CRPPA: variants seen among roughly 807,000 people sequenced by gnomAD.
CRPPA encodes D-ribitol-5-phosphate cytidylyltransferase.
Under a neutral mutation model 52.0 loss-of-function variants are expected in CRPPA, and 43 were observed. The ratio of observed to expected loss-of-function variants is 0.83; its 90% CI spans 0.65 to 1.07. The LOEUF is 1.07. CRPPA is among the 50% of genes least tolerant of loss of function. The pLI is 0.00. For missense variants in CRPPA, 629 were observed against 551.7 expected, an observed-to-expected ratio of 1.14 and a Z score of -1.40; for synonymous variants, 250 against 203.5, an observed-to-expected ratio of 1.23 and a Z score of -1.94.
chr7:16,315,632 T>C (rs1368270940), intron 3 of CRPPA, among the ~76,000 whole-genome samples: 2 of 152,118 alleles, frequency 1.3e-5, no homozygotes, highest in South Asian at 4.1e-4. Flanking sequence ...AGAATGGTTG[T>C]TTCCCTTCCT....
chr7:16,329,219 T>A (rs1785490905), intron 3 of CRPPA, among the ~76,000 whole-genome samples: 1 of 152,158 alleles, frequency 6.6e-6, no homozygotes, highest in African/African-American at 2.4e-5. Flanking sequence ...GTGGTGGCAA[T>A]AGGAGCTAAG....
intron 6 of CRPPA, among the ~76,000 whole-genome samples, chr7:16,274,207 G>A (rs369257860): frequency 5.3e-5 from 8 of 151,990 alleles, no homozygotes; most frequent in East Asian, 3.9e-4. Flanking sequence ...CCACCACCAC[G>A]CCCAGCTAAT....
At chr7:16,412,528 C>A (rs1193423568) in intron 1 of CRPPA, among the ~76,000 whole-genome samples, 1 of 152,152 alleles carries the variant, frequency 6.6e-6, no homozygotes, top group Non-Finnish European at 1.5e-5. Flanking sequence ...CAAGCATACA[C>A]CCAGTACTTG....
chr7:16,147,153 AT>A lies in CRPPA; in HGVS notation c.1252-55355del, dbSNP rs566967261. Among the ~76,000 whole-genome samples, 411 of 152,118 alleles carry A rather than the reference AT, an allele frequency of 2.7e-3. 3 individuals carry two copies. The highest frequency in any genetic ancestry group is 9.5e-3 in the African/African-American group (393 of 41,500). ...CTTTGCTCTTCCTTTGCCTTCCACT[AT>A]GATTGTGAGGCCTCCCCAGCCCTGC... On this transcript the variant is annotated intron_variant, in intron 9 of 9. Coordinates refer to ENST00000407010, the MANE Select transcript of CRPPA (RefSeq NM_001101426.4).
chr7:16,089,071 C>A lies in CRPPA; in HGVS notation c.*2624G>T, dbSNP rs1428470737. 1 of 224,402 alleles carries A rather than the reference C, an allele frequency of 4.5e-6. No homozygotes were observed. Among genetic ancestry groups the A allele is most frequent in the African/African-American group, 2.2e-5 (1 of 45,634 alleles). 13.9% of individuals were successfully genotyped at this position (224,402 alleles called of 1,614,324 possible). On this transcript the variant is annotated 3_prime_UTR_variant, in exon 10 of 10. Transcript: ENST00000407010. ...CAGTCACATGATTTTGGCAAGGTAA[C>A]TAAGATCCCTGAGCTCCAATTTCCT...
At chr7:16,106,671 AG>A (rs1782159165) in intron 9 of CRPPA, among the ~76,000 whole-genome samples, 1 of 152,204 alleles carries the variant, frequency 6.6e-6, no homozygotes, top group African/African-American at 2.4e-5. Context: ...AGGCTAGAAG[AG>A]GGGGCTGCTG....
At chr7:16,310,311 G>A (rs1190402604) in intron 3 of CRPPA, among the ~76,000 whole-genome samples, 3 of 151,900 alleles carry the variant, frequency 2.0e-5, no homozygotes, top group Non-Finnish European at 2.9e-5. Flanking sequence ...ACTTATCAGA[G>A]ATCCCCCAAA....
intron 9 of CRPPA, among the ~76,000 whole-genome samples, chr7:16,115,402 C>T (rs1183760036): frequency 6.6e-6 from 1 of 152,104 alleles, no homozygotes; most frequent in Non-Finnish European, 1.5e-5. Context: ...GAGATATCAA[C>T]AAATGGTTTC....
At chr7:16,292,464 G>T (rs1053002061) in intron 5 of CRPPA, among the ~76,000 whole-genome samples, 6 of 151,918 alleles carry the variant, frequency 3.9e-5, no homozygotes, top group African/African-American at 1.4e-4. Context: ...GGAGTTGATG[G>T]TAGCACAGAG....
At chr7:16,148,013 A>G (rs1404879158) in intron 9 of CRPPA, among the ~76,000 whole-genome samples, 2 of 152,160 alleles carry the variant, frequency 1.3e-5, no homozygotes, top group Non-Finnish European at 2.9e-5. Flanking sequence ...ACCTCAAACT[A>G]TAATAATCAG....
At chr7:16,392,817 C>A (rs551131761) in intron 2 of CRPPA, among the ~76,000 whole-genome samples, 1 of 152,064 alleles carries the variant, frequency 6.6e-6, no homozygotes, top group South Asian at 2.1e-4. Flanking sequence ...CACCCAGCCT[C>A]CTCCCCTACC....
chr7:16,191,289 G>A (rs1010064189), intron 9 of CRPPA, among the ~76,000 whole-genome samples: 1 of 152,076 alleles, frequency 6.6e-6, no homozygotes, highest in African/African-American at 2.4e-5. Flanking sequence ...AATGCTCGCA[G>A]ACCATACCAC....
In CRPPA at chr7:16,391,183, G is replaced by C. The variant is rs562067204; in HGVS notation, c.534+14878C>G. Among the ~76,000 whole-genome samples, 14 of 152,106 alleles carry C rather than the reference G, an allele frequency of 9.2e-5. No homozygotes were observed. In the South Asian group the frequency reaches 2.9e-3, roughly 32 times the overall value. On this transcript the variant is annotated intron_variant, in intron 2 of 9. Coordinates refer to ENST00000407010, the MANE Select transcript of CRPPA (RefSeq NM_001101426.4). ...AAGTTTTGGTATTACCCACTCCACAGCCTCCAAACCTGTTCCTACAGACGG... is the reference window on the plus strand; with the variant it reads ...AAGTTTTGGTATTACCCACTCCACACCCTCCAAACCTGTTCCTACAGACGG...
chr7:16,258,665 A>C (rs1262126288), intron 7 of CRPPA, among the ~76,000 whole-genome samples, 183 bp from the exon 8 acceptor site: 1 of 152,046 alleles, frequency 6.6e-6, no homozygotes, highest in African/African-American at 2.4e-5. Flanking sequence ...TTATCTACTA[A>C]TTGAGTCAAA....
chr7:16,125,158 G>A lies in CRPPA; in HGVS notation c.1252-33359C>T, dbSNP rs552783995. 4.0e-5 allele frequency among the ~76,000 whole-genome samples: 6 copies of A among 151,228 alleles called. No individual in the cohort carries two copies. In the East Asian group the frequency reaches 7.9e-4, roughly 20 times the overall value. The stretch of plus-strand genomic sequence containing the variant: ...GCCTGCAATCCCAGCTACCTGGGAG[G>A]CTGAGGCAGAAGAATTGTTGGAACC... On this transcript the variant is annotated intron_variant, in intron 9 of 9. Coordinates refer to ENST00000407010, the MANE Select transcript of CRPPA (RefSeq NM_001101426.4).
intron 9 of CRPPA, among the ~76,000 whole-genome samples, chr7:16,202,526 C>T (rs6461230): frequency 0.3 from 45,139 of 152,098 alleles, 6,997 homozygotes; most frequent in East Asian, 0.51. Flanking sequence ...ATAAACCAGA[C>T]AAAAACATCC....
chr7:16,239,916 T>C (rs1783060117), intron 8 of CRPPA, among the ~76,000 whole-genome samples: 1 of 152,124 alleles, frequency 6.6e-6, no homozygotes. Context: ...ATTCATTTTA[T>C]TCACACATTG....
At chr7:16,254,771 CAGAAAGAAAGAAAGAAAGAAGGAA>C (rs1335280717) in intron 8 of CRPPA, among the ~76,000 whole-genome samples, 11 of 110,968 alleles carry the variant, frequency 9.9e-5, no homozygotes, top group African/African-American at 3.5e-4. Context: ...GACAGACACA[CAGAAAGAAAGAAAGAAAGAAGGAA>C]AGAAAGAAAG....
chr7:16,129,583 TCTGTTTTTGCTCAGAATTCCATC>T (rs1782644779), intron 9 of CRPPA, among the ~76,000 whole-genome samples: 1 of 152,112 alleles, frequency 6.6e-6, no homozygotes, highest in Admixed American at 6.5e-5. Flanking sequence ...TGTTACATCA[TCTGTTTTTGCTCAGAATTCCATC>T]CTGAATATGT....
Sources: allele counts gnomAD v4.1 joint callset (sites outside exome capture counted in the v4.1 genomes callset), GRCh38; gene constraint gnomAD v4.1.1; transcripts MANE v1.5; gene names NCBI Gene and HGNC (gene_info 2026-07-23, HGNC 2026-07-21).